Variants in ALPK3 observed in about 807,000 individuals in gnomAD.
The protein encoded by ALPK3 is alpha-protein kinase 3.
Under a neutral mutation model 140.0 loss-of-function variants are expected in ALPK3, and 102 were observed. The ratio of observed to expected loss-of-function variants is 0.73; its 90% CI spans 0.62 to 0.86. The LOEUF is 0.86. Ranked by LOEUF, ALPK3 falls within the 40% of genes least tolerant of loss-of-function variation. The probability of loss-of-function intolerance (pLI) is 0.00; values close to 1 mark genes in which losing one functional copy is unlikely to be tolerated. For missense variants in ALPK3, 2,254 were observed against 2,208.2 expected, an observed-to-expected ratio of 1.02 and a Z score of -0.42; for synonymous variants, 938 against 898.5, an observed-to-expected ratio of 1.04 and a Z score of -0.79.
At chr15:84,860,108 A>C (rs1323700366) in intron 9 of ALPK3, 36 bp downstream of exon 9, 1 of 1,611,088 alleles carries the variant, frequency 6.2e-7, no homozygotes, top group Admixed American at 1.7e-5. Flanking sequence ...GGGTGGTCCT[A>C]CCCCTGCCAT....
chr15:84,858,024 TC>T lies in ALPK3; in HGVS notation c.3290del (p.Pro1097LeufsTer37). On this transcript the variant is annotated frameshift_variant, in exon 6 of 14. Coordinates refer to ENST00000258888, the MANE Select transcript of ALPK3 (RefSeq NM_020778.5). LOFTEE classifies it high-confidence loss of function. ...AGCCAGTGAGGGTGAAGGAGAGGTT[TC>T]CCCTGAGGGGCCTGGCCTCCTGGGG... ...EGASEGEGEVSPEGPGLLGAS... is the reference protein window; with the variant it reads ...EGASEGEGEVXPEGPGLLGAS... The T allele has an allele frequency of 6.3e-7, 1 of 1,582,194 alleles. No individual in the cohort carries two copies. Among genetic ancestry groups the T allele is most frequent in the African/African-American group, 1.4e-5 (1 of 73,984 alleles).
intron 2 of ALPK3, among the ~76,000 whole-genome samples, chr15:84,823,978 G>A (rs756929098): frequency 2.0e-5 from 3 of 152,178 alleles, no homozygotes; most frequent in Non-Finnish European, 2.9e-5. Context: ...TAAAGTGCTG[G>A]GATTACAGGC....
rs771137848 is a variant in ALPK3, at chr15:84,857,787, C to T, written c.3049C>T (p.Arg1017Cys). The stretch of plus-strand genomic sequence containing the variant: ...CCGGACATCGAGGCGCATCCTGGAG[C>T]GTGTGGAGAACAACCACCTGGTGCA... ...SPRTSRRILE[R>C]VENNHLVQSA... Residue 1017 changes from arginine to cysteine, a missense_variant, in exon 6 of 14, where the codon CGT becomes TGT. By Grantham distance (180) the Arg-to-Cys change is radical (BLOSUM62 -3). Coordinates refer to ENST00000258888, the MANE Select transcript of ALPK3 (RefSeq NM_020778.5). The T allele has an allele frequency of 2.0e-5, 33 of 1,611,844 alleles. No homozygotes were observed. The highest frequency in any genetic ancestry group is 8.9e-5 in the East Asian group (4 of 44,824).
chr15:84,828,810 G>A (rs1963515947), intron 3 of ALPK3, among the ~76,000 whole-genome samples: 2 of 152,286 alleles, frequency 1.3e-5, no homozygotes, highest in Middle Eastern at 3.4e-3. Context: ...GCTGAGAGAG[G>A]CTGATGCGTT....
chr15:84,859,599 ACTGCAAAC>A (rs1963916864), intron 7 of ALPK3, among the ~76,000 whole-genome samples, 169 bp from the exon 8 acceptor site: 1 of 152,204 alleles, frequency 6.6e-6, no homozygotes, highest in African/African-American at 2.4e-5. Context: ...AATTGTCAGG[ACTGCAAAC>A]CAGACCTGTG....
intron 6 of ALPK3, 65 bp from the exon 7 acceptor site, chr15:84,859,178 C>A: frequency 6.3e-7 from 1 of 1,598,046 alleles, no homozygotes; most frequent in South Asian, 1.1e-5. Flanking sequence ...CAAGGACACC[C>A]AGGAGAGCAA....
chr15:84,838,241 G>A (rs2141555049), intron 3 of ALPK3, among the ~76,000 whole-genome samples: 1 of 152,332 alleles, frequency 6.6e-6, no homozygotes, highest in East Asian at 1.9e-4. Flanking sequence ...ATGAAAGGAG[G>A]AGGGCTCTTA....
intron 1 of ALPK3, among the ~76,000 whole-genome samples, chr15:84,820,164 A>AT (rs1963406184): frequency 1.3e-5 from 2 of 152,168 alleles, no homozygotes; most frequent in African/African-American, 4.8e-5. Context: ...GTTATGATTA[A>AT]TTAGCTTTTA....
chr15:84,830,401 C>G (rs903144678), intron 3 of ALPK3, among the ~76,000 whole-genome samples: 4 of 152,078 alleles, frequency 2.6e-5, no homozygotes, highest in Non-Finnish European at 5.9e-5. Context: ...GAATACTGCC[C>G]CAGTGGTTTC....
At chr15:84,854,877 A>G (rs1247734404) in intron 5 of ALPK3, among the ~76,000 whole-genome samples, 3 of 152,158 alleles carry the variant, frequency 2.0e-5, no homozygotes, top group African/African-American at 7.2e-5. Flanking sequence ...ATATGCATTA[A>G]TATATATGTT....
At position 84,864,581 on chromosome 15, in the gene ALPK3, T is replaced by C. The variant is rs753418329; in HGVS notation, c.4639T>C (p.Ser1547Pro). ...CAEAPTASGS[S>P]EAMQKCQTFQ... ...TGAGGCTCCGACAGCATCTGGCAGC[T>C]CTGAGGCCATGCAGAAATGCCAGAC... is the stretch of plus-strand genomic sequence containing the variant. Residue 1547 changes from serine to proline, a missense_variant, in exon 12 of 14, where the codon TCT becomes CCT. By Grantham distance (74) the Ser-to-Pro change is moderately conservative. Around this residue, in one of 3 missense-constraint regions of ALPK3, gnomAD observed 2,088 missense variants for 2,022.9 expected, o/e 1.03. Coordinates refer to ENST00000258888, the MANE Select transcript of ALPK3 (RefSeq NM_020778.5). 4 of 1,614,204 alleles carry C rather than the reference T, an allele frequency of 2.5e-6. No individual in the cohort carries two copies. The South Asian group carries it at 3.3e-5, about 13-fold the overall frequency.
chr15:84,857,029 G>A lies in ALPK3; in HGVS notation c.2291G>A (p.Cys764Tyr), dbSNP rs1389663159. 6.2e-7 allele frequency: 1 copy of A among 1,614,040 alleles called. No homozygotes were observed. Among genetic ancestry groups the A allele is most frequent in the African/African-American group, 1.3e-5 (1 of 74,910 alleles). ...TTTGTACAGACCCCAGAAGGGTCTT[G>A]TTTCCCAAAAAAACCTGGTTGCCTG... Reference protein sequence around the residue: ...ECFVQTPEGSCFPKKPGCLPR... With the variant: ...ECFVQTPEGSYFPKKPGCLPR... Residue 764 changes from cysteine (C) to tyrosine (Y), a missense_variant, in exon 6 of 14, where the codon TGT becomes TAT. Cys to Tyr is a radical substitution (Grantham distance 194). This residue lies in a region of ALPK3 where 2,088 missense variants were observed against 2,022.9 expected (regional missense o/e 1.03). Coordinates refer to ENST00000258888, the MANE Select transcript of ALPK3 (RefSeq NM_020778.5).
chr15:84,836,747 G>A (rs1963601408), intron 3 of ALPK3, among the ~76,000 whole-genome samples: 1 of 152,184 alleles, frequency 6.6e-6, no homozygotes, highest in Admixed American at 6.5e-5. Flanking sequence ...AGACTGGGCT[G>A]GAGATAGAAA....
In ALPK3 at chr15:84,864,423, AG is replaced by A. The variant is rs548462883; in HGVS notation, c.4500-16del. On this transcript the variant is annotated intron_variant, in intron 11 of 13. Transcript: ENST00000258888. ...CTGGGCCATACTTCCTGCTTACTGC[AG>A]GGTGAAACTATGTTTAGGATCATCC... 34 of 1,606,266 alleles carry A rather than the reference AG, an allele frequency of 2.1e-5. 1 individual carries two copies. The East Asian group carries it at 7.6e-4, about 36-fold the overall frequency.
At chr15:84,837,464 G>A (rs1036835720) in intron 3 of ALPK3, among the ~76,000 whole-genome samples, 4 of 152,194 alleles carry the variant, frequency 2.6e-5, no homozygotes, top group Non-Finnish European at 4.4e-5. Flanking sequence ...TGCCTTGTGC[G>A]GGTGCATGCC....
At chr15:84,827,215 G>A (rs1596146269) in intron 2 of ALPK3, among the ~76,000 whole-genome samples, 2 of 152,224 alleles carry the variant, frequency 1.3e-5, no homozygotes, top group East Asian at 3.8e-4. Flanking sequence ...ACCTGGGCTT[G>A]TAGACTGGCA....
chr15:84,864,495 C>A lies in ALPK3; in HGVS notation c.4553C>A (p.Thr1518Asn). Residue 1518 changes from threonine (T) to asparagine (N), a missense_variant, in exon 12 of 14, where the codon ACC becomes AAC. Around this residue, in one of 3 missense-constraint regions of ALPK3, gnomAD observed 2,088 missense variants for 2,022.9 expected, o/e 1.03. Coordinates refer to ENST00000258888, the MANE Select transcript of ALPK3 (RefSeq NM_020778.5). ...YRPANNIPYATLEEDLGKPLE... is the reference protein window; with the variant it reads ...YRPANNIPYANLEEDLGKPLE... ...CCTGCAAACAATATCCCATATGCTA[C>A]CCTGGAGGAAGACCTGGGCAAGCCC... The A allele has an allele frequency of 1.2e-6, 2 of 1,614,154 alleles. No homozygotes were observed. The highest frequency in any genetic ancestry group is 2.2e-5 in the South Asian group (2 of 91,080).
intron 3 of ALPK3, among the ~76,000 whole-genome samples, chr15:84,835,397 C>A (rs1963588695): frequency 6.6e-6 from 1 of 152,186 alleles, no homozygotes; most frequent in African/African-American, 2.4e-5. Flanking sequence ...TTGCTTGTCA[C>A]CCTCCCCCTC....
rs1437033 is a variant in ALPK3, at chr15:84,869,186, C to T, written c.*730C>T. 0.078 allele frequency: 11,968 copies of T among 153,294 alleles called. 509 individuals carry two copies. The highest frequency in any genetic ancestry group is 0.11 in the African/African-American group (4,401 of 41,550). The allele number at this position is 153,294 out of a possible 1,614,324, so 9.5% of individuals were successfully genotyped here. A position where few individuals can be genotyped will look rare whatever the true frequency, so the allele number is the denominator to read the frequency against. On this transcript the variant is annotated 3_prime_UTR_variant, in exon 14 of 14. Transcript: ENST00000258888. ...GGCCCAGCTGCAGCCTGCTGCCTGC[C>T]CTTCATGGCTCTGCACATGGCCCTT...
Sources: gnomAD v4.1 joint callset for allele counts (sites outside exome capture counted in the v4.1 genomes callset) on GRCh38, gnomAD v4.1.1 for gene constraint, gnomAD v4.1.1 regional missense constraint, MANE v1.5 for transcripts, NCBI Gene and HGNC (gene_info 2026-07-23, HGNC 2026-07-21) for gene names.